CCNT2: variants seen among roughly 807,000 people sequenced by gnomAD.
The protein encoded by CCNT2 is cyclin T2, also known as cyclin-T2.
A neutral mutation model predicts 70.0 loss-of-function variants in CCNT2; 18 were observed. The ratio of observed to expected loss-of-function variants is 0.26; its 90% CI spans 0.18 to 0.38. The LOEUF is 0.38. Among genes scored for constraint, CCNT2 ranks in the 10% least tolerant of loss-of-function variants. The probability of loss-of-function intolerance (pLI) is 1.00; values close to 1 mark genes in which losing one functional copy is unlikely to be tolerated. For missense variants in CCNT2, 734 were observed against 890.2 expected (o/e 0.82, Z 2.23); for synonymous variants, 334 against 313.3 (o/e 1.07, Z -0.70).
At position 134,931,262 on chromosome 2, in the gene CCNT2, C is replaced by CTTTTTTTTTTTTTTTTTTT. The variant is rs112471982; in HGVS notation, c.241-5572_241-5554dup. Among the ~76,000 whole-genome samples, 211 of 42,404 alleles carry CTTTTTTTTTTTTTTTTTTT rather than the reference C, an allele frequency of 5.0e-3. 23 individuals are homozygous for CTTTTTTTTTTTTTTTTTTT. Among genetic ancestry groups the CTTTTTTTTTTTTTTTTTTT allele is most frequent in the Admixed American group, 6.9e-3 (16 of 2,304 alleles). 27.8% of individuals were successfully genotyped at this position (42,404 alleles called of 152,430 possible). A position where few individuals can be genotyped will look rare whatever the true frequency, so the allele number is the denominator to read the frequency against. ...CAGGCATAAGCCACCATGCCCGGAT[C>CTTTTTTTTTTTTTTTTTTT]TTTTTTTTTTTTTTTTTTTTTTTTT... is the stretch of plus-strand genomic sequence containing the variant. On this transcript the variant is annotated intron_variant, in intron 2 of 8. Transcript: ENST00000264157.
Position 134,919,876 on chromosome 2 carries a change from C to A in CCNT2, c.225C>A (p.Thr75=). ...MHRFYMHHSF[T]KFNKNIISST... ...GGTTTTATATGCACCATTCTTTCACCAAATTCAACAAAAATGTAAGTACTA... is the reference window on the plus strand; with the variant it reads ...GGTTTTATATGCACCATTCTTTCACAAAATTCAACAAAAATGTAAGTACTA... The change falls in exon 2 of 9, where the codon ACC becomes ACA. Residue 75 remains threonine (T), a synonymous_variant. Coordinates refer to ENST00000264157, the MANE Select transcript of CCNT2 (RefSeq NM_058241.3). The A allele has an allele frequency of 3.1e-6, 5 of 1,606,158 alleles. No homozygotes were observed. The highest frequency in any genetic ancestry group is 2.5e-6 in the Non-Finnish European group (3 of 1,177,026).
At chr2:134,944,242 G>A (rs1681787939) in intron 5 of CCNT2, 1 of 982,048 alleles carries the variant, frequency 1.0e-6, no homozygotes, top group Non-Finnish European at 1.2e-6. Flanking sequence ...TAAGGAAAAA[G>A]GGTTAGTTTT....
intron 2 of CCNT2, among the ~76,000 whole-genome samples, chr2:134,921,171 T>C (rs985912960): frequency 1.3e-5 from 2 of 152,222 alleles, no homozygotes; most frequent in Admixed American, 6.5e-5. Flanking sequence ...AGTGAACTAA[T>C]GAATGTTAAT....
chr2:134,949,837 AGGCTATAGAGTGC>A, intron 7 of CCNT2, among the ~76,000 whole-genome samples: 1 of 148,274 alleles, frequency 6.7e-6, no homozygotes, highest in African/African-American at 2.5e-5. Context: ...TCAGTCGCCC[AGGCTATAGAGTGC>A]GGTGGCGCAA....
chr2:134,953,184 AATT>A (rs1291745956), intron 8 of CCNT2, 43 bp from the exon 9 acceptor site: 1 of 1,352,130 alleles, frequency 7.4e-7, no homozygotes, highest in South Asian at 1.4e-5. Context: ...ATTTGCATTA[AATT>A]ATTTTGCTAT....
At chr2:134,944,785 G>C in intron 5 of CCNT2, 1 of 985,250 alleles carries the variant, frequency 1.0e-6, no homozygotes, top group Non-Finnish European at 1.2e-6. Context: ...ACAACTTTTA[G>C]CTAACAGCAT....
In CCNT2 at chr2:134,955,417, C is replaced by G. The variant is rs892112018; in HGVS notation, c.*769C>G. On this transcript the variant is annotated 3_prime_UTR_variant, in exon 9 of 9. Coordinates refer to ENST00000264157, the MANE Select transcript of CCNT2 (RefSeq NM_058241.3). ...TGACCAGATTGGCTGCTGAAATAGC[C>G]CCTAACTTTCTGAAGGCTTGAAGAG... The G allele has an allele frequency of 6.6e-6, 1 of 152,542 alleles. No homozygotes were observed. Among genetic ancestry groups the G allele is most frequent in the African/African-American group, 2.4e-5 (1 of 41,416 alleles). 9.4% of individuals were successfully genotyped at this position (152,542 alleles called of 1,614,324 possible).
rs751549685 is a variant in CCNT2, at chr2:134,952,729, G to T, written c.774+18G>T. On this transcript the variant is annotated intron_variant, in intron 8 of 8. Coordinates refer to ENST00000264157, the MANE Select transcript of CCNT2 (RefSeq NM_058241.3). ...ACTGGAGGGTAAGAGAATTGACAGG[G>T]TTTAACAGAATTTCAGTCTTTTATG... 2 of 1,578,060 alleles carry T rather than the reference G, an allele frequency of 1.3e-6. No homozygotes were observed. The highest frequency in any genetic ancestry group is 1.4e-5 in the African/African-American group (1 of 73,952).
intron 2 of CCNT2, among the ~76,000 whole-genome samples, chr2:134,930,127 G>T (rs1035888025): frequency 6.6e-6 from 1 of 152,126 alleles, no homozygotes; most frequent in Non-Finnish European, 1.5e-5. Flanking sequence ...AAGAAACCTG[G>T]TTGCTGTAAG....
At chr2:134,929,467 G>A (rs1258476736) in intron 2 of CCNT2, among the ~76,000 whole-genome samples, 1 of 151,560 alleles carries the variant, frequency 6.6e-6, no homozygotes, top group African/African-American at 2.4e-5. Context: ...AATTAGCCCG[G>A]CATCTTGGTG....
chr2:134,932,175 G>A (rs776101646), intron 2 of CCNT2, among the ~76,000 whole-genome samples: 7 of 130,184 alleles, frequency 5.4e-5, no homozygotes, highest in Non-Finnish European at 1.1e-4. Flanking sequence ...TAGTAGAGAC[G>A]GGGTTTCACC....
At chr2:134,930,499 C>T (rs1680665109) in intron 2 of CCNT2, among the ~76,000 whole-genome samples, 1 of 152,130 alleles carries the variant, frequency 6.6e-6, no homozygotes, top group African/African-American at 2.4e-5. Context: ...GTTTTCATTT[C>T]TTACGGGTGA....
chr2:134,932,324 A>G (rs973814713), intron 2 of CCNT2, among the ~76,000 whole-genome samples: 4 of 152,170 alleles, frequency 2.6e-5, no homozygotes, highest in Admixed American at 6.5e-5. Flanking sequence ...TTTTAGAAAC[A>G]TTCATAATGC....
chr2:134,926,930 G>A (rs895384434), intron 2 of CCNT2, among the ~76,000 whole-genome samples: 1 of 152,166 alleles, frequency 6.6e-6, no homozygotes, highest in Non-Finnish European at 1.5e-5. Flanking sequence ...TTCAGAAGAT[G>A]ATACACTCAT....
At chr2:134,945,762 C>G in intron 5 of CCNT2, 2 of 1,300,888 alleles carry the variant, frequency 1.5e-6, no homozygotes, top group Non-Finnish European at 2.0e-6. Context: ...TTTTCTTCTT[C>G]TTCTTCTTTT....
At position 134,954,767 on chromosome 2, in the gene CCNT2, G is replaced by GT. The variant is rs1682827718; in HGVS notation, c.*120dup. The GT allele has an allele frequency of 1.6e-6, 1 of 635,320 alleles. No individual in the cohort carries two copies. Among genetic ancestry groups the GT allele is most frequent in the Non-Finnish European group, 2.8e-6 (1 of 358,192 alleles). The allele number at this position is 635,320 out of a possible 1,614,324, so 39.4% of individuals were successfully genotyped here. A position where few individuals can be genotyped will look rare whatever the true frequency, so the allele number is the denominator to read the frequency against. On this transcript the variant is annotated 3_prime_UTR_variant, in exon 9 of 9. Transcript: ENST00000264157. Reference sequence around the variant, plus strand: ...TGTTGCTGCCACTGCTTCAATATTTGTAAGTGCTGCTTTATTCTTCATTCT... The same window carrying GT: ...TGTTGCTGCCACTGCTTCAATATTTGTTAAGTGCTGCTTTATTCTTCATTCT...
rs201467959 is a variant in CCNT2 at position 134,929,653 on chromosome 2, C to CT, written c.241-7174dup. Reference sequence around the variant, plus strand: ...AGAGAGAGAACTAATAAATAGATGCCTTTTTTTTTTTTTTGAGACGGAATC... The same window carrying CT: ...AGAGAGAGAACTAATAAATAGATGCCTTTTTTTTTTTTTTTGAGACGGAATC... On this transcript the variant is annotated intron_variant, in intron 2 of 8. Coordinates refer to ENST00000264157, the MANE Select transcript of CCNT2 (RefSeq NM_058241.3). Among the ~76,000 whole-genome samples the CT allele has an allele frequency of 2.2e-3, 270 of 122,634 alleles. 3 individuals are homozygous for CT. The Middle Eastern group carries it at 0.041, about 18-fold the overall frequency. The allele number at this position is 122,634 out of a possible 152,430, so 80.5% of individuals were successfully genotyped here. A position where few individuals can be genotyped will look rare whatever the true frequency, so the allele number is the denominator to read the frequency against.
At chr2:134,939,454 T>A (rs571071071) in intron 4 of CCNT2, among the ~76,000 whole-genome samples, 1 of 151,796 alleles carries the variant, frequency 6.6e-6, no homozygotes, top group Non-Finnish European at 1.5e-5. Flanking sequence ...ACCTTTTTTA[T>A]TTTATTTATT....
chr2:134,945,785 A>G (rs1352006739), intron 5 of CCNT2: 1 of 1,358,358 alleles, frequency 7.4e-7, no homozygotes, highest in Non-Finnish European at 9.7e-7. Flanking sequence ...TTTTAAATCC[A>G]GGAGAATGCT....
Sources: gnomAD v4.1 joint callset for allele counts (sites outside exome capture counted in the v4.1 genomes callset) on GRCh38, gnomAD v4.1.1 for gene constraint, MANE v1.5 for transcripts, NCBI Gene and HGNC (gene_info 2026-07-23, HGNC 2026-07-21) for gene names.